The following CCDC171 variants were observed in gnomAD, a reference collection of about 807,000 sequenced individuals.
CCDC171 encodes coiled-coil domain-containing protein 171.
In CCDC171, 177 loss-of-function variants were observed where a neutral mutation model predicts 168.2. That is an observed-to-expected ratio of 1.05 (90% CI 0.93 to 1.19). The LOEUF (loss-of-function observed/expected upper bound fraction) is 1.19, where lower values mean the gene tolerates loss of function less well. Among genes scored for constraint, CCDC171 ranks in the 50% most tolerant of loss-of-function variants. CCDC171 has a pLI of 0.00. For synonymous variants in CCDC171, 687 were observed against 540.8 expected, an observed-to-expected ratio of 1.27 and a Z score of -3.75; for missense variants, 1,991 against 1,539.0, an observed-to-expected ratio of 1.29 and a Z score of -4.91.
chr9:16,076,197 A>G, the CCDC171 span, among the ~76,000 whole-genome samples: 19 of 152,162 alleles, frequency 1.2e-4, no homozygotes, highest in African/African-American at 4.6e-4. Context: ...CCTCACACCT[A>G]TCATCTGCTG....
At chr9:16,049,476 A>G (rs1040847967) in intron 1 of CCDC171, among the ~76,000 whole-genome samples, 12 of 152,176 alleles carry the variant, frequency 7.9e-5, no homozygotes, top group Non-Finnish European at 1.3e-4. Context: ...CCAGGAGCCT[A>G]AAGAGAACAA....
At chr9:15,754,405 A>C (rs923352493) in intron 18 of CCDC171, among the ~76,000 whole-genome samples, 1 of 152,134 alleles carries the variant, frequency 6.6e-6, no homozygotes, top group East Asian at 1.9e-4. Flanking sequence ...ATTTAGTGAG[A>C]TAATACTTTT....
intron 7 of CCDC171, among the ~76,000 whole-genome samples, chr9:15,625,853 A>G (rs1234626356): frequency 1.3e-5 from 2 of 152,186 alleles, no homozygotes; most frequent in Non-Finnish European, 2.9e-5. Flanking sequence ...AATTCTGTGA[A>G]GAAAGTCATT....
chr9:15,651,565 C>A (rs2047526468), intron 7 of CCDC171, among the ~76,000 whole-genome samples: 1 of 152,016 alleles, frequency 6.6e-6, no homozygotes, highest in African/African-American at 2.4e-5. Context: ...CCGAGATTAA[C>A]TTTTTTAGCT....
chr9:15,627,266 A>G (rs575974991), intron 7 of CCDC171, among the ~76,000 whole-genome samples: 3 of 150,840 alleles, frequency 2.0e-5, no homozygotes, highest in South Asian at 2.1e-4. Flanking sequence ...TCAAAAAACC[A>G]ACTCCTGGAT....
intron 23 of CCDC171, among the ~76,000 whole-genome samples, chr9:15,863,500 AT>A (rs930504350): frequency 1.2e-4 from 18 of 148,536 alleles, no homozygotes; most frequent in Middle Eastern, 3.5e-3. Flanking sequence ...TGGTTGACAC[AT>A]TTTTTTTTTC....
chr9:15,933,958 A>G (rs1589166234), intron 25 of CCDC171, among the ~76,000 whole-genome samples: 1 of 152,050 alleles, frequency 6.6e-6, no homozygotes, highest in South Asian at 2.1e-4. Flanking sequence ...AAGCATGGAA[A>G]GACTCTATCA....
chr9:15,832,973 A>G (rs961024007), intron 21 of CCDC171, among the ~76,000 whole-genome samples: 1 of 136,960 alleles, frequency 7.3e-6, no homozygotes, highest in Non-Finnish European at 1.5e-5. Flanking sequence ...TTTCAGCTTC[A>G]TTATAATCTT....
chr9:15,830,848 A>G (rs1269661233), intron 21 of CCDC171, among the ~76,000 whole-genome samples: 1 of 152,184 alleles, frequency 6.6e-6, no homozygotes, highest in Non-Finnish European at 1.5e-5. Flanking sequence ...GAAATTGAAC[A>G]TAGAGACCCT....
At chr9:16,096,107 A>G in the CCDC171 span, among the ~76,000 whole-genome samples, 1 of 152,122 alleles carries the variant, frequency 6.6e-6, no homozygotes, top group Non-Finnish European at 1.5e-5. Context: ...TTTAGCAAAT[A>G]TCAGCGTGGA....
intron 1 of CCDC171, among the ~76,000 whole-genome samples, chr9:16,059,145 T>G (rs1167247851): frequency 6.6e-6 from 1 of 152,214 alleles, no homozygotes; most frequent in African/African-American, 2.4e-5. Context: ...TTGGGTCATT[T>G]TTGATCTTAT....
intron 7 of CCDC171, among the ~76,000 whole-genome samples, chr9:15,642,799 C>G (rs116545640): frequency 6.6e-6 from 1 of 151,978 alleles, no homozygotes; most frequent in African/African-American, 2.4e-5. Context: ...TTTCAACCCC[C>G]TGTGTTTTGC....
chr9:15,740,810 G>C lies in CCDC171; in HGVS notation c.2050-3463G>C, dbSNP rs996847254. 2.6e-5 allele frequency among the ~76,000 whole-genome samples: 4 copies of C among 152,030 alleles called. No individual in the cohort carries two copies. The East Asian group carries it at 7.7e-4, about 29-fold the overall frequency. ...CCCCTCTCATTCCTCTTCTTTTTCA[G>C]GGTTAAACTCAGCTTGCCTAGCTCC... On this transcript the variant is annotated intron_variant, in intron 16 of 25. Coordinates refer to ENST00000380701, the MANE Select transcript of CCDC171 (RefSeq NM_173550.4).
At chr9:15,842,157 A>T (rs1291401163) in intron 21 of CCDC171, among the ~76,000 whole-genome samples, 1 of 151,972 alleles carries the variant, frequency 6.6e-6, no homozygotes, top group African/African-American at 2.4e-5. Flanking sequence ...CTAACTTTTT[A>T]TACCAAATTG....
At chr9:15,938,139 G>A (rs1023382370) in intron 25 of CCDC171, among the ~76,000 whole-genome samples, 7 of 151,960 alleles carry the variant, frequency 4.6e-5, no homozygotes, top group Middle Eastern at 3.4e-3. Flanking sequence ...TGAGGGAAAT[G>A]TTATTTCCTC....
intron 25 of CCDC171, among the ~76,000 whole-genome samples, chr9:15,969,797 A>G (rs1831164601): frequency 6.6e-6 from 1 of 152,166 alleles, no homozygotes; most frequent in Non-Finnish European, 1.5e-5. Flanking sequence ...TAATGTTTAT[A>G]GCTGCAAAGT....
At chr9:15,770,466 G>A (rs1376522078) in intron 18 of CCDC171, among the ~76,000 whole-genome samples, 1 of 152,068 alleles carries the variant, frequency 6.6e-6, no homozygotes, top group African/African-American at 2.4e-5. Context: ...GGAGCCATAG[G>A]TTCCACCAGA....
intron 24 of CCDC171, among the ~76,000 whole-genome samples, chr9:15,905,176 T>C (rs1359788570): frequency 1.3e-5 from 2 of 152,128 alleles, no homozygotes; most frequent in African/African-American, 4.8e-5. Context: ...GCAGACCTAA[T>C]AGACATCTAC....
chr9:15,631,252 C>A (rs921128686), intron 7 of CCDC171, among the ~76,000 whole-genome samples: 20 of 151,184 alleles, frequency 1.3e-4, no homozygotes, highest in Non-Finnish European at 2.5e-4. Flanking sequence ...TTGAAAAGAT[C>A]AACAAAATTG....
Sources: gnomAD v4.1 joint callset for allele counts (sites outside exome capture counted in the v4.1 genomes callset) on GRCh38, gnomAD v4.1.1 for gene constraint, MANE v1.5 for transcripts, NCBI Gene and HGNC (gene_info 2026-07-23, HGNC 2026-07-21) for gene names.